The following BABAM2 variants were observed in gnomAD, a reference collection of about 807,000 sequenced individuals.
BABAM2 encodes the protein BRISC and BRCA1-A complex member 2.
A neutral mutation model predicts 54.7 loss-of-function variants in BABAM2; 31 were observed. That is an observed-to-expected ratio of 0.57 (90% CI 0.43 to 0.77). BABAM2 has a LOEUF of 0.77. Ranked by LOEUF, BABAM2 falls within the 30% of genes least tolerant of loss-of-function variation. The pLI, the probability that BABAM2 is intolerant of heterozygous loss-of-function variation, is 0.00. For missense variants in BABAM2, 364 were observed against 455.8 expected, an observed-to-expected ratio of 0.80 and a Z score of 1.83; for synonymous variants, 167 against 162.9, an observed-to-expected ratio of 1.03 and a Z score of -0.19.
intron 2 of BABAM2, among the ~76,000 whole-genome samples, chr2:27,926,259 A>G (rs981495299): frequency 6.6e-6 from 1 of 151,516 alleles, no homozygotes; most frequent in Admixed American, 6.6e-5. Flanking sequence ...TCTCTCCCTC[A>G]TTTACTGTGT....
In BABAM2 at chr2:28,325,563, G is replaced by A. The variant is rs1316250786; in HGVS notation, c.1089-12887G>A. 1.3e-5 allele frequency among the ~76,000 whole-genome samples: 2 copies of A among 152,186 alleles called. No homozygotes were observed. The highest frequency in any genetic ancestry group is 2.9e-5 in the Non-Finnish European group (2 of 68,036). On this transcript the variant is annotated intron_variant, in intron 11 of 11. Coordinates refer to ENST00000379624, the MANE Select transcript of BABAM2 (RefSeq NM_199191.3). The surrounding 1 kb of genome is among the most constrained non-coding windows in gnomAD (Gnocchi z 4.3). ...ACCCCAGCAGGGAGAGTGGAGCTTG[G>A]ACACCCTCTCCCATTGAGTAGTTTC...
intron 10 of BABAM2, among the ~76,000 whole-genome samples, chr2:28,268,002 A>G (rs1023107081): frequency 6.6e-5 from 10 of 152,244 alleles, no homozygotes; most frequent in African/African-American, 2.4e-4. Context: ...GACAAACTGT[A>G]TCTATACACA....
intron 5 of BABAM2, among the ~76,000 whole-genome samples, chr2:28,026,659 C>G (rs1200521132): frequency 2.1e-5 from 3 of 146,222 alleles, no homozygotes; most frequent in Non-Finnish European, 3.0e-5. Context: ...TGCAGCAAAC[C>G]ACCATGGCAT....
At chr2:28,275,453 A>T (rs1439749642) in intron 10 of BABAM2, among the ~76,000 whole-genome samples, 1 of 152,134 alleles carries the variant, frequency 6.6e-6, no homozygotes, top group African/African-American at 2.4e-5. Context: ...CCTAACTGGG[A>T]TAGGCCTGGG....
At chr2:28,151,314 T>A (rs564897279) in intron 7 of BABAM2, among the ~76,000 whole-genome samples, 2 of 152,292 alleles carry the variant, frequency 1.3e-5, no homozygotes, top group African/African-American at 4.8e-5. Flanking sequence ...GGCTTATGCT[T>A]GTAATCCCAG....
chr2:28,249,723 C>T (rs1052450844), intron 10 of BABAM2, among the ~76,000 whole-genome samples: 5 of 152,082 alleles, frequency 3.3e-5, no homozygotes, highest in African/African-American at 1.2e-4. Flanking sequence ...TCACTGTAGC[C>T]TCAACTTCCT....
Position 27,943,525 on chromosome 2 carries a change from C to T in BABAM2, c.205+13617C>T, listed in dbSNP as rs769074065. Among the ~76,000 whole-genome samples, 9 of 152,260 alleles carry T rather than the reference C, an allele frequency of 5.9e-5. No homozygotes were observed. The South Asian group carries it at 1.0e-3, about 18-fold the overall frequency. On this transcript the variant is annotated intron_variant, in intron 3 of 11. Transcript: ENST00000379624. The stretch of plus-strand genomic sequence containing the variant: ...TGTGATGTATTTGGTTTTTCATTCG[C>T]GCTCACAAACCTGCCACTCTAATGG...
At chr2:28,218,724 T>A (rs1030316523) in intron 7 of BABAM2, among the ~76,000 whole-genome samples, 1 of 152,234 alleles carries the variant, frequency 6.6e-6, no homozygotes, top group Non-Finnish European at 1.5e-5. Context: ...GTTGAGACTA[T>A]GTAAATGTCT....
chr2:28,021,783 C>T (rs74635400), intron 4 of BABAM2, among the ~76,000 whole-genome samples: 3,127 of 152,034 alleles, frequency 0.021, 115 homozygotes, highest in African/African-American at 0.071. Context: ...TTTTTCCCCC[C>T]GGAAGATTTT....
At chr2:28,240,857 C>T (rs548168264) in intron 8 of BABAM2, among the ~76,000 whole-genome samples, 17 of 133,366 alleles carry the variant, frequency 1.3e-4, no homozygotes, top group Admixed American at 6.5e-4. Context: ...GCAACAAGAG[C>T]GAGACTCTGT....
At chr2:28,013,694 T>TACACACACACACACACACACAC (rs56148921) in intron 4 of BABAM2, among the ~76,000 whole-genome samples, 7 of 106,038 alleles carry the variant, frequency 6.6e-5, no homozygotes, top group Admixed American at 5.3e-4. Flanking sequence ...AAAAAGCTCT[T>TACACACACACACACACACACAC]ACACACACAC....
intron 6 of BABAM2, among the ~76,000 whole-genome samples, chr2:28,048,832 T>G (rs1010876980): frequency 2.6e-5 from 4 of 152,230 alleles, no homozygotes; most frequent in African/African-American, 9.6e-5. Context: ...AATTACATAC[T>G]TTCTCTTAAC....
chr2:28,175,127 A>G (rs1281897903), intron 7 of BABAM2, among the ~76,000 whole-genome samples: 1 of 151,994 alleles, frequency 6.6e-6, no homozygotes, highest in Non-Finnish European at 1.5e-5. Flanking sequence ...GGCTCTTCCC[A>G]CTGCTGCTGT....
At chr2:27,988,225 T>C (rs1223587891) in intron 4 of BABAM2, 138 bp downstream of exon 4, 3 of 744,124 alleles carry the variant, frequency 4.0e-6, no homozygotes, top group East Asian at 2.5e-5. Flanking sequence ...TCCTGTGAAA[T>C]AGATGGAACT....
intron 4 of BABAM2, among the ~76,000 whole-genome samples, chr2:27,996,882 A>G (rs909218439): frequency 2.0e-5 from 3 of 152,178 alleles, no homozygotes; most frequent in Non-Finnish European, 2.9e-5. Context: ...ATAGATTTCT[A>G]TATTTTATTT....
At chr2:28,311,018 T>C (rs1367210724) in intron 11 of BABAM2, among the ~76,000 whole-genome samples, 1 of 152,064 alleles carries the variant, frequency 6.6e-6, no homozygotes, top group African/African-American at 2.4e-5. Flanking sequence ...TCCCAGCACT[T>C]TGGGAGGCCG....
intron 3 of BABAM2, among the ~76,000 whole-genome samples, chr2:27,951,452 A>C (rs545533341): frequency 6.6e-6 from 1 of 152,102 alleles, no homozygotes; most frequent in East Asian, 1.9e-4. Context: ...ATTGAATTTG[A>C]ATTTAAGTTT....
Position 28,247,109 on chromosome 2 carries a change from A to G in BABAM2, c.934+2247A>G, listed in dbSNP as rs190711810. ...AGAACCCCCAGGCACTCATTAGAAC[A>G]GCTACCCGGGACCTTGGGAGTTGTT... On this transcript the variant is annotated intron_variant, in intron 10 of 11. Coordinates refer to ENST00000379624, the MANE Select transcript of BABAM2 (RefSeq NM_199191.3). Among the ~76,000 whole-genome samples, 880 of 152,314 alleles carry G rather than the reference A, an allele frequency of 5.8e-3. 5 individuals are homozygous for G. The highest frequency in any genetic ancestry group is 0.02 in the African/African-American group (846 of 41,570).
At chr2:28,193,118 C>T (rs985860866) in intron 7 of BABAM2, among the ~76,000 whole-genome samples, 2 of 151,784 alleles carry the variant, frequency 1.3e-5, no homozygotes, top group East Asian at 3.9e-4. Context: ...TGCAGTGAGC[C>T]GAGATCATGC....
Sources: gnomAD v4.1 joint callset for allele counts (sites outside exome capture counted in the v4.1 genomes callset) on GRCh38, gnomAD v4.1.1 for gene constraint, Gnocchi (gnomAD v3.1) non-coding constraint, MANE v1.5 for transcripts, NCBI Gene and HGNC (gene_info 2026-07-23, HGNC 2026-07-21) for gene names.